GREB1L: variants seen among roughly 807,000 people sequenced by gnomAD.
GREB1L encodes GREB1-like protein.
A neutral mutation model predicts 200.8 loss-of-function variants in GREB1L; 17 were observed. The observed-to-expected ratio is 0.08, with a 90% CI of 0.06 to 0.13. The LOEUF (loss-of-function observed/expected upper bound fraction) is 0.13. Ranked by LOEUF, GREB1L falls within the 10% of genes least tolerant of loss-of-function variation. The pLI, the probability that GREB1L is intolerant of heterozygous loss-of-function variation, is 1.00. For synonymous variants in GREB1L, 789 were observed against 893.0 expected, an observed-to-expected ratio of 0.88 and a Z score of 2.08; for missense variants, 1,657 against 2,367.7, an observed-to-expected ratio of 0.70 and a Z score of 6.23.
intron 1 of GREB1L, among the ~76,000 whole-genome samples, chr18:21,254,061 ATTTTTTTTTTTTT>A (rs547876546): frequency 2.8e-5 from 2 of 70,438 alleles, no homozygotes; most frequent in Non-Finnish European, 5.2e-5. Flanking sequence ...TTTCAGGCAT[ATTTTTTTTTTTTT>A]TTTTTTTTTT....
chr18:21,311,226 C>T (rs2038785410), intron 1 of GREB1L, among the ~76,000 whole-genome samples: 1 of 152,184 alleles, frequency 6.6e-6, no homozygotes, highest in African/African-American at 2.4e-5. Context: ...TGACTTCTCT[C>T]ACAAGAGTAA....
rs1356203170 is a variant in GREB1L, at chr18:21,523,947, T to C, written c.*1126T>C. ...ATTCATTAAAATCAGCAGGGGGTGTTTGTCCAGTATCGGCAATGGGAGGCA... is the reference window on the plus strand; with the variant it reads ...ATTCATTAAAATCAGCAGGGGGTGTCTGTCCAGTATCGGCAATGGGAGGCA... On this transcript the variant is annotated 3_prime_UTR_variant, in exon 33 of 33. Transcript: ENST00000424526. 1 of 152,218 alleles carries C rather than the reference T, an allele frequency of 6.6e-6. No individual in the cohort carries two copies. The highest frequency in any genetic ancestry group is 1.5e-5 in the Non-Finnish European group (1 of 68,042). The allele number at this position is 152,218 out of a possible 1,614,324, so 9.4% of individuals were successfully genotyped here.
intron 32 of GREB1L, among the ~76,000 whole-genome samples, chr18:21,521,384 AAGAG>A (rs955030694): frequency 1.3e-5 from 2 of 151,766 alleles, no homozygotes; most frequent in Non-Finnish European, 2.9e-5. Context: ...AAAAAAAAAA[AAGAG>A]AGACTGGCCT....
At chr18:21,394,222 A>G (rs2040948761) in intron 4 of GREB1L, among the ~76,000 whole-genome samples, 1 of 152,164 alleles carries the variant, frequency 6.6e-6, no homozygotes, top group South Asian at 2.1e-4. Context: ...TATGGCCAGA[A>G]AGTTGGGCTA....
intron 5 of GREB1L, among the ~76,000 whole-genome samples, chr18:21,398,505 C>T (rs566145288): frequency 6.6e-6 from 1 of 152,324 alleles, no homozygotes; most frequent in South Asian, 2.1e-4. Flanking sequence ...TTACTAACCA[C>T]TTCTCCATGT....
chr18:21,423,139 C>T (rs1252643310), intron 7 of GREB1L, among the ~76,000 whole-genome samples: 1 of 152,046 alleles, frequency 6.6e-6, no homozygotes, highest in African/African-American at 2.4e-5. Flanking sequence ...CCATGTTGGC[C>T]GGGCTCATCT....
At chr18:21,325,037 A>G (rs1300344933) in intron 1 of GREB1L, among the ~76,000 whole-genome samples, 7 of 152,170 alleles carry the variant, frequency 4.6e-5, no homozygotes, top group Admixed American at 4.6e-4. Context: ...GGAATTTCAG[A>G]AAGATTTTAA....
chr18:21,310,320 A>G (rs147924013), intron 1 of GREB1L, among the ~76,000 whole-genome samples: 240 of 152,364 alleles, frequency 1.6e-3, no homozygotes, highest in African/African-American at 5.7e-3. Flanking sequence ...CTGTAATCCC[A>G]GCACTTTGGG....
intron 1 of GREB1L, among the ~76,000 whole-genome samples, chr18:21,337,709 G>A (rs984186852): frequency 3.3e-5 from 5 of 152,014 alleles, no homozygotes; most frequent in Non-Finnish European, 7.4e-5. Flanking sequence ...TTTTTTCACC[G>A]GGTGCAGTGG....
rs2034412964 is a variant in GREB1L at position 21,449,540 on chromosome 18, T to A, written c.1424T>A (p.Phe475Tyr). ...GPDQVPLREE[F>Y]EQIMLKAMQE... ...GATCAGGTACCTCTCAGGGAAGAAT[T>A]TGAGCAAATTATGCTGAAAGCTATG... is the stretch of plus-strand genomic sequence containing the variant. The change falls in exon 12 of 33, where the codon TTT becomes TAT. Residue 475 changes from phenylalanine to tyrosine, a missense_variant. Transcript: ENST00000424526. 1 of 1,549,344 alleles carries A rather than the reference T, an allele frequency of 6.5e-7. No individual in the cohort carries two copies. The highest frequency in any genetic ancestry group is 8.7e-7 in the Non-Finnish European group (1 of 1,145,930).
At chr18:21,369,935 C>G (rs1455978561) in intron 2 of GREB1L, among the ~76,000 whole-genome samples, 2 of 138,110 alleles carry the variant, frequency 1.4e-5, no homozygotes, top group Non-Finnish European at 3.0e-5. Context: ...GGCAGCAGAG[C>G]GAGACTCCAT....
At chr18:21,471,949 A>G (rs2035501947) in intron 15 of GREB1L, among the ~76,000 whole-genome samples, 1 of 152,158 alleles carries the variant, frequency 6.6e-6, no homozygotes, top group South Asian at 2.1e-4. Flanking sequence ...AAATCACAGT[A>G]CCTGCCAAAT....
intron 1 of GREB1L, among the ~76,000 whole-genome samples, chr18:21,247,113 G>T (rs1181946229): frequency 6.6e-6 from 1 of 152,098 alleles, no homozygotes; most frequent in African/African-American, 2.4e-5. Context: ...GCTCCCTATT[G>T]TGTACACTTT....
intron 1 of GREB1L, among the ~76,000 whole-genome samples, chr18:21,338,681 C>A (rs1275128863): frequency 1.3e-5 from 2 of 152,224 alleles, no homozygotes; most frequent in African/African-American, 4.8e-5. Flanking sequence ...TCCTAGGATT[C>A]TCCTGTGTTT....
chr18:21,339,384 T>C (rs2039235692), intron 1 of GREB1L, among the ~76,000 whole-genome samples: 1 of 152,204 alleles, frequency 6.6e-6, no homozygotes, highest in African/African-American at 2.4e-5. Context: ...GCTGTGTAAG[T>C]AAAATCATGT....
intron 7 of GREB1L, among the ~76,000 whole-genome samples, chr18:21,405,211 G>A (rs2030038299): frequency 1.3e-5 from 2 of 152,174 alleles, no homozygotes; most frequent in Admixed American, 6.5e-5. Flanking sequence ...GAGAGAACAT[G>A]GTGTCACTAG....
Position 21,454,429 on chromosome 18 carries a change from C to G in GREB1L, c.2048C>G (p.Ser683Cys). Residue 683 changes from serine (S) to cysteine (C), a missense_variant, in exon 15 of 33, where the codon TCC (serine) becomes TGC (cysteine). By Grantham distance (112) the Ser-to-Cys change is moderately radical. Coordinates refer to ENST00000424526, the MANE Select transcript of GREB1L (RefSeq NM_001142966.3). ...CTAACAGTTGCCAGAAAACTCTTATCCCAGGTGTGTGCTATAGCGGACAGT... is the reference window on the plus strand; with the variant it reads ...CTAACAGTTGCCAGAAAACTCTTATGCCAGGTGTGTGCTATAGCGGACAGT... ...PQLTVARKLLSQVCAIADSGS... is the reference protein window; with the variant it reads ...PQLTVARKLLCQVCAIADSGS... 6.4e-7 allele frequency: 1 copy of G among 1,551,822 alleles called. No homozygotes were observed. The highest frequency in any genetic ancestry group is 8.7e-7 in the Non-Finnish European group (1 of 1,146,958).
intron 2 of GREB1L, 110 bp downstream of exon 2, chr18:21,366,246 T>C (rs1446817527): frequency 6.6e-6 from 1 of 152,200 alleles, no homozygotes; most frequent in African/African-American, 2.4e-5. Context: ...TTAAAGTGAA[T>C]AAGATACTTC....
chr18:21,333,660 A>AG (rs967513886), intron 1 of GREB1L, among the ~76,000 whole-genome samples: 1 of 148,098 alleles, frequency 6.8e-6, no homozygotes, highest in African/African-American at 2.6e-5. Context: ...GGGGGACAAG[A>AG]GTAAAACTCT....
Sources: allele counts gnomAD v4.1 joint callset (sites outside exome capture counted in the v4.1 genomes callset), GRCh38; gene constraint gnomAD v4.1.1; transcripts MANE v1.5; gene names NCBI Gene and HGNC (gene_info 2026-07-23, HGNC 2026-07-21).